The following STRADA variants were observed in gnomAD, a reference collection of about 807,000 sequenced individuals.
STRADA encodes STE20 related adaptor alpha, also known as STE20-related kinase adapter protein alpha.
In STRADA, 26 loss-of-function variants were observed where a neutral mutation model predicts 55.0. The ratio of observed to expected loss-of-function variants is 0.47; its 90% CI spans 0.35 to 0.66. STRADA has a LOEUF of 0.66. STRADA is among the 30% of genes least tolerant of loss of function. The pLI is 0.01. For synonymous variants in STRADA, 197 were observed against 210.9 expected (o/e 0.93, Z 0.57); for missense variants, 443 against 549.7 (o/e 0.81, Z 1.94).
intron 1 of STRADA, among the ~76,000 whole-genome samples, chr17:63,740,404 C>A (rs1484136888): frequency 6.6e-6 from 1 of 151,580 alleles, no homozygotes; most frequent in African/African-American, 2.4e-5. Context: ...GCCAGCTACT[C>A]GGAAGGCTGA....
intron 5 of STRADA, 40 bp downstream of exon 5, chr17:63,713,966 G>A (rs1487181263): frequency 6.5e-7 from 1 of 1,540,586 alleles, no homozygotes; most frequent in Non-Finnish European, 9.0e-7. Flanking sequence ...GCAGCCCCTG[G>A]AGCAGAAAGC....
rs1467387694 is a variant in STRADA, at chr17:63,704,501, G to C, written c.940C>G (p.Pro314Ala). 6.2e-7 allele frequency: 1 copy of C among 1,611,346 alleles called. No individual in the cohort carries two copies. Among genetic ancestry groups the C allele is most frequent in the East Asian group, 2.2e-5 (1 of 44,850 alleles). The part of the protein sequence containing the change: ...TIPAEELTMS[P>A]SRSVANSGLS... Reference sequence around the variant, plus strand: ...CCAGAGTTGGCCACTGAGCGCGAAGGGCTCATGGTCAGCTCCTCAGCGGGG... The same window carrying C: ...CCAGAGTTGGCCACTGAGCGCGAAGCGCTCATGGTCAGCTCCTCAGCGGGG... The change falls in exon 11 of 13, where the codon CCT (proline) becomes GCT (alanine). Residue 314 changes from proline to alanine, a missense_variant. Physicochemically the swap from Pro to Ala is conservative, Grantham distance 27 (BLOSUM62 -1). Coordinates refer to ENST00000336174, the MANE Select transcript of STRADA (RefSeq NM_001003787.4).
chr17:63,738,265 C>T (rs1467179168), intron 1 of STRADA, among the ~76,000 whole-genome samples: 3 of 146,392 alleles, frequency 2.0e-5, no homozygotes, highest in Non-Finnish European at 4.5e-5. Flanking sequence ...TGCTTGAAAC[C>T]GGGAGGCGGA....
chr17:63,724,405 A>C (rs1046649852), intron 3 of STRADA, among the ~76,000 whole-genome samples: 8 of 148,580 alleles, frequency 5.4e-5, no homozygotes, highest in African/African-American at 2.0e-4. Flanking sequence ...AGTCTTCCAA[A>C]ATGCTGGGAT....
chr17:63,714,334 G>A, intron 4 of STRADA: 1 of 465,724 alleles, frequency 2.1e-6, no homozygotes, highest in Non-Finnish European at 4.0e-6. Context: ...GAGGAGACAA[G>A]GACCTGTTCC....
At position 63,703,609 on chromosome 17, in the gene STRADA, C is replaced by T; in HGVS notation, c.1286G>A (p.Trp429Ter). Residue 429 changes from tryptophan to a stop codon, truncating the protein, a stop_gained, in exon 13 of 13, where the codon TGG (tryptophan) becomes TAG (stop). Coordinates refer to ENST00000336174, the MANE Select transcript of STRADA (RefSeq NM_001003787.4). LOFTEE classifies it high-confidence loss of function. The stretch of plus-strand genomic sequence containing the variant: ...ACAGTTTGCAGAGGCTCAGAACTCC[C>T]AATCGTCCACCTCCAGCTCTTCCAG... The part of the protein sequence containing the change: ...TNLEELEVDD[W>*]EF 2 of 1,613,856 alleles carry T rather than the reference C, an allele frequency of 1.2e-6. No homozygotes were observed. The highest frequency in any genetic ancestry group is 1.7e-6 in the Non-Finnish European group (2 of 1,179,864).
intron 6 of STRADA, 141 bp from the exon 7 acceptor site, chr17:63,710,977 C>G (rs1357846227): frequency 1.4e-6 from 1 of 710,974 alleles, no homozygotes. Flanking sequence ...TAAGCAGGTG[C>G]CTGCCAACAT....
At chr17:63,739,384 T>C (rs751714638) in intron 1 of STRADA, among the ~76,000 whole-genome samples, 30 of 152,056 alleles carry the variant, frequency 2.0e-4, no homozygotes, top group Non-Finnish European at 3.4e-4. Flanking sequence ...TTGAATCATG[T>C]ACAGATGAAC....
intron 1 of STRADA, among the ~76,000 whole-genome samples, chr17:63,736,697 TG>T (rs1443742109): frequency 6.6e-6 from 1 of 151,710 alleles, no homozygotes; most frequent in East Asian, 1.9e-4. Context: ...GCTACGAAGC[TG>T]ATCAAGAAAG....
chr17:63,708,496 A>G (rs143313464), intron 8 of STRADA, among the ~76,000 whole-genome samples: 1 of 152,058 alleles, frequency 6.6e-6, no homozygotes, highest in Non-Finnish European at 1.5e-5. Context: ...CTATGTTTTA[A>G]TGAAAAACTT....
At chr17:63,708,547 CA>C (rs1244820626) in intron 8 of STRADA, among the ~76,000 whole-genome samples, 1 of 151,646 alleles carries the variant, frequency 6.6e-6, no homozygotes, top group African/African-American at 2.4e-5. Flanking sequence ...TACATATCAC[CA>C]GATTAAAAGC....
chr17:63,728,161 T>C (rs1390581302), intron 2 of STRADA, 173 bp downstream of exon 2: 5 of 559,568 alleles, frequency 8.9e-6, no homozygotes, highest in Non-Finnish European at 1.6e-5. Flanking sequence ...GGTCAGCCTC[T>C]GTCTGCAAAC....
intron 1 of STRADA, among the ~76,000 whole-genome samples, chr17:63,740,090 A>ATC: frequency 1.4e-5 from 1 of 69,620 alleles, no homozygotes; most frequent in Non-Finnish European, 2.5e-5. Context: ...TTAACACTAT[A>ATC]TATATATATA....
intron 1 of STRADA, among the ~76,000 whole-genome samples, chr17:63,732,138 G>C (rs1394078871): frequency 2.0e-5 from 3 of 152,086 alleles, no homozygotes; most frequent in Non-Finnish European, 4.4e-5. Flanking sequence ...AAAGTGCCGG[G>C]ATTACAGGCG....
At chr17:63,703,901 G>A (rs971562368) in intron 12 of STRADA, 104 bp downstream of exon 12, 16 of 1,606,966 alleles carry the variant, frequency 1.0e-5, no homozygotes, top group South Asian at 3.3e-5. Context: ...CTTCGGAAGC[G>A]GGGTAGTTTC....
upstream of STRADA, chr17:63,741,959 G>T (rs1462631932): frequency 6.6e-6 from 1 of 152,178 alleles, no homozygotes; most frequent in East Asian, 1.9e-4. Context: ...CCTAGCAGCC[G>T]CCGCCGCGCC....
chr17:63,715,896 T>A (rs945832305), intron 4 of STRADA, among the ~76,000 whole-genome samples: 3 of 152,146 alleles, frequency 2.0e-5, no homozygotes, highest in African/African-American at 7.2e-5. Context: ...GATGGCTCAT[T>A]TGGGTTGTTT....
rs2144087334 is a variant in STRADA at position 63,723,168 on chromosome 17, C to T, written c.123+130G>A. On this transcript the variant is annotated intron_variant, in intron 4 of 12. Coordinates refer to ENST00000336174, the MANE Select transcript of STRADA (RefSeq NM_001003787.4). ...CCTGAATCTCCACAAGTACAAAAAT[C>T]ACACTACAAATAAAGCTCAGTGACA... 3.5e-6 allele frequency: 4 copies of T among 1,139,512 alleles called. No individual in the cohort carries two copies. The Middle Eastern group carries it at 8.1e-4, about 232-fold the overall frequency. The allele number at this position is 1,139,512 out of a possible 1,614,324, so 70.6% of individuals were successfully genotyped here. A position where few individuals can be genotyped will look rare whatever the true frequency, so the allele number is the denominator to read the frequency against.
rs569383132 is a variant in STRADA, at chr17:63,716,872, A to G, written c.124-2764T>C. Among the ~76,000 whole-genome samples the G allele has an allele frequency of 3.7e-4, 57 of 152,380 alleles. 1 individual carries two copies. The highest frequency in any genetic ancestry group is 1.4e-3 in the African/African-American group (57 of 41,594). ...TAATTGGGAAAGGCTGTTTTAAATA[A>G]AACATATGCTACAATGCAAAGAGCA... On this transcript the variant is annotated intron_variant, in intron 4 of 12. Transcript: ENST00000336174.
Sources: allele counts gnomAD v4.1 joint callset (sites outside exome capture counted in the v4.1 genomes callset), GRCh38; gene constraint gnomAD v4.1.1; transcripts MANE v1.5; gene names NCBI Gene and HGNC (gene_info 2026-07-23, HGNC 2026-07-21).